PDIK1L: variants seen among roughly 807,000 people sequenced by gnomAD.
PDIK1L encodes the protein serine/threonine-protein kinase PDIK1L.
Under a neutral mutation model 27.1 loss-of-function variants are expected in PDIK1L, and 9 were observed. The ratio of observed to expected loss-of-function variants is 0.33; its 90% confidence interval spans 0.20 to 0.58. PDIK1L has a LOEUF of 0.58. PDIK1L is among the 20% of genes least tolerant of loss of function. The pLI, the probability that PDIK1L is intolerant of heterozygous loss-of-function variation, is 0.86. For missense variants in PDIK1L, 216 were observed against 413.2 expected (o/e 0.52, Z 4.14); for synonymous variants, 130 against 141.7 (o/e 0.92, Z 0.59).
rs535312036 is a variant in PDIK1L at position 26,121,938 on chromosome 1, G to C, written c.387G>C (p.Glu129Asp). ...MDFCDGGDMN[E>D]YLLSRKPNRK... ...TTTGTGACGGAGGAGATATGAATGA[G>C]TATCTGTTGTCCAGGAAACCCAATC... The change falls in exon 3 of 3, where the codon GAG becomes GAC. Residue 129 changes from glutamate (E) to aspartate (D), a missense_variant. Coordinates refer to ENST00000374269, the MANE Select transcript of PDIK1L (RefSeq NM_152835.5). The C allele has an allele frequency of 6.2e-7, 1 of 1,614,040 alleles. No individual in the cohort carries two copies. Among genetic ancestry groups the C allele is most frequent in the African/African-American group, 1.3e-5 (1 of 75,006 alleles).
rs751781233 is a variant in PDIK1L at position 26,117,350 on chromosome 1, G to A, written c.285+2757G>A. The stretch of plus-strand genomic sequence containing the variant: ...CCCAGCCAATGCCCTGAAGTTTTCC[G>A]TTTTATGACAGTAAAAATAACTAGC... On this transcript the variant is annotated intron_variant, in intron 2 of 2. Transcript: ENST00000374269. 5.2e-4 allele frequency among the ~76,000 whole-genome samples: 79 copies of A among 152,086 alleles called. 1 individual carries two copies. The highest frequency in any genetic ancestry group is 2.2e-4 in the Non-Finnish European group (15 of 68,016).
intron 2 of PDIK1L, among the ~76,000 whole-genome samples, chr1:26,115,540 G>A (rs1349617649): frequency 2.6e-5 from 4 of 152,310 alleles, no homozygotes; most frequent in East Asian, 1.9e-4. Flanking sequence ...AGTGGCTCAC[G>A]CCTGTAATCC....
chr1:26,122,836 A>G lies in PDIK1L; in HGVS notation c.*259A>G, dbSNP rs75786059. On this transcript the variant is annotated 3_prime_UTR_variant, in exon 3 of 3. Coordinates refer to ENST00000374269, the MANE Select transcript of PDIK1L (RefSeq NM_152835.5). The surrounding 1 kb of genome is among the most constrained non-coding windows in gnomAD (Gnocchi z 5.4). ...AGAAGTTTGGCAGGAAAATTCTTTA[A>G]GAGCTAACAAGAGAAGAGAGTCCAG... 0.16 allele frequency: 48,183 copies of G among 294,878 alleles called. 4,235 individuals carry two copies. The highest frequency in any genetic ancestry group is 0.21 in the Middle Eastern group (214 of 1,000). 18.3% of individuals were successfully genotyped at this position (294,878 alleles called of 1,614,324 possible).
In PDIK1L at chr1:26,114,377, T is replaced by C. The variant is rs148007570; in HGVS notation, c.69T>C (p.Tyr23=). 4.3e-6 allele frequency: 7 copies of C among 1,613,942 alleles called. No individual in the cohort carries two copies. The highest frequency in any genetic ancestry group is 5.9e-6 in the Non-Finnish European group (7 of 1,180,012). The stretch of plus-strand genomic sequence containing the variant: ...GCCGAGGTAGTTACGGTGTTGTGTA[T>C]GAAGCAGTCATCAGAAAGACCTCTG... ...EVGRGSYGVV[Y]EAVIRKTSAR... Residue 23 remains tyrosine, a synonymous_variant, in exon 2 of 3, where the codon TAT becomes TAC. Coordinates refer to ENST00000374269, the MANE Select transcript of PDIK1L (RefSeq NM_152835.5). The surrounding 1 kb of genome is among the most constrained non-coding windows in gnomAD (Gnocchi z 4.8).
rs1169314094 is a variant in PDIK1L, at chr1:26,123,572, C to T, written c.*995C>T. The T allele has an allele frequency of 1.3e-5, 2 of 152,572 alleles. No homozygotes were observed. The highest frequency in any genetic ancestry group is 4.8e-5 in the African/African-American group (2 of 41,410). 9.5% of individuals were successfully genotyped at this position (152,572 alleles called of 1,614,324 possible). On this transcript the variant is annotated 3_prime_UTR_variant, in exon 3 of 3. Coordinates refer to ENST00000374269, the MANE Select transcript of PDIK1L (RefSeq NM_152835.5). ...CTCATTATACTGAAGTTGAAGAAAC[C>T]AAATGAGCTCCACCCTCACTTTGCC... is the stretch of plus-strand genomic sequence containing the variant.
At position 26,125,123 on chromosome 1, in the gene PDIK1L, T is replaced by C. The variant is rs1485786600; in HGVS notation, c.*2546T>C. 4 of 152,564 alleles carry C rather than the reference T, an allele frequency of 2.6e-5. No homozygotes were observed. The allele number at this position is 152,564 out of a possible 1,614,324, so 9.5% of individuals were successfully genotyped here. On this transcript the variant is annotated 3_prime_UTR_variant, in exon 3 of 3. Coordinates refer to ENST00000374269, the MANE Select transcript of PDIK1L (RefSeq NM_152835.5). ...AGCTGTGGCCAGTGAAAATATGGGGTTGTACAGTTAGTTCCTAGAATGTTA... is the reference window on the plus strand; with the variant it reads ...AGCTGTGGCCAGTGAAAATATGGGGCTGTACAGTTAGTTCCTAGAATGTTA...
chr1:26,121,749 C>T, intron 2 of PDIK1L, 88 bp from the exon 3 acceptor site: 3 of 1,338,370 alleles, frequency 2.2e-6, no homozygotes, highest in South Asian at 1.5e-5. Context: ...AAGGTGGAGA[C>T]TGACTTAACC....
intron 2 of PDIK1L, among the ~76,000 whole-genome samples, chr1:26,121,094 C>T (rs562836062): frequency 1.6e-4 from 25 of 152,094 alleles, no homozygotes; most frequent in African/African-American, 5.8e-4. Flanking sequence ...TCTAGGTTTT[C>T]AGCTTGTATG....
rs549696664 is a variant in PDIK1L at position 26,121,723 on chromosome 1, A to G, written c.286-114A>G. ...AAAGCACTGATTAAATAAAATATTT[A>G]TAGAGTTTCCACTTAAAGGTGGAGA... On this transcript the variant is annotated intron_variant, in intron 2 of 2. Transcript: ENST00000374269. The G allele has an allele frequency of 9.1e-6, 10 of 1,098,230 alleles. No individual in the cohort carries two copies. The African/African-American group carries it at 1.1e-4, about 12-fold the overall frequency. 68.0% of individuals were successfully genotyped at this position (1,098,230 alleles called of 1,614,324 possible). A position where few individuals can be genotyped will look rare whatever the true frequency, so the allele number is the denominator to read the frequency against.
chr1:26,122,168 A>T lies in PDIK1L; in HGVS notation c.617A>T (p.Glu206Val), dbSNP rs2087999853. The T allele has an allele frequency of 5.0e-6, 8 of 1,614,128 alleles. No individual in the cohort carries two copies. The highest frequency in any genetic ancestry group is 1.6e-4 in the Middle Eastern group (1 of 6,084). The change falls in exon 3 of 3, where the codon GAA becomes GTA. Residue 206 changes from glutamate to valine, a missense_variant. Transcript: ENST00000374269. The surrounding 1 kb of genome is among the most constrained non-coding windows in gnomAD (Gnocchi z 5.4). Reference sequence around the variant, plus strand: ...TCAGCCTCTGGGCAGAACCCAGAAGAACCTGTCAGTGTAAACAAGTGTTTC... The same window carrying T: ...TCAGCCTCTGGGCAGAACCCAGAAGTACCTGTCAGTGTAAACAAGTGTTTC... ...VCSASGQNPEEPVSVNKCFLS... is the reference protein window; with the variant it reads ...VCSASGQNPEVPVSVNKCFLS...
At position 26,122,685 on chromosome 1, in the gene PDIK1L, G is replaced by C. The variant is rs987089221; in HGVS notation, c.*108G>C. The C allele has an allele frequency of 5.4e-6, 7 of 1,293,848 alleles. No homozygotes were observed. In the Admixed American group the frequency reaches 8.7e-5, roughly 16 times the overall value. The allele number at this position is 1,293,848 out of a possible 1,614,324, so 80.1% of individuals were successfully genotyped here. A position where few individuals can be genotyped will look rare whatever the true frequency, so the allele number is the denominator to read the frequency against. On this transcript the variant is annotated 3_prime_UTR_variant, in exon 3 of 3. Transcript: ENST00000374269. The surrounding 1 kb of genome is among the most constrained non-coding windows in gnomAD (Gnocchi z 5.4). ...AAAAAGCTAGACTCTACCCTCTAAG[G>C]GTTTAGATTTTTTGTGGGATTTTTT...
At chr1:26,121,736 T>G (rs1377228855) in intron 2 of PDIK1L, 101 bp from the exon 3 acceptor site, 10 of 1,212,274 alleles carry the variant, frequency 8.2e-6, no homozygotes, top group South Asian at 1.6e-5. Flanking sequence ...GAGTTTCCAC[T>G]TAAAGGTGGA....
intron 2 of PDIK1L, among the ~76,000 whole-genome samples, chr1:26,119,207 A>G (rs1048924959): frequency 1.3e-5 from 2 of 151,886 alleles, no homozygotes; most frequent in African/African-American, 4.8e-5. Flanking sequence ...CAGAAGTTCA[A>G]GATTAGCCTG....
intron 2 of PDIK1L, among the ~76,000 whole-genome samples, chr1:26,120,465 G>C (rs1047416302): frequency 1.3e-5 from 2 of 152,172 alleles, no homozygotes; most frequent in African/African-American, 4.8e-5. Flanking sequence ...GCAGATCATC[G>C]CAATTACTAT....
chr1:26,119,939 C>T (rs2087949319), intron 2 of PDIK1L, among the ~76,000 whole-genome samples: 1 of 152,174 alleles, frequency 6.6e-6, no homozygotes, highest in South Asian at 2.1e-4. Context: ...GGAGTCAGAG[C>T]ACACAAGGTC....
chr1:26,116,284 A>T (rs1255837115), intron 2 of PDIK1L, among the ~76,000 whole-genome samples: 1 of 151,666 alleles, frequency 6.6e-6, no homozygotes, highest in African/African-American at 2.4e-5. Flanking sequence ...GTGAAGCAGG[A>T]GGATCACTTC....
At chr1:26,115,181 T>C (rs945767011) in intron 2 of PDIK1L, among the ~76,000 whole-genome samples, 5 of 152,228 alleles carry the variant, frequency 3.3e-5, no homozygotes, top group African/African-American at 1.2e-4. Context: ...AAGCAGTTGC[T>C]CAAAACAATC....
At chr1:26,116,860 C>T (rs1017784020) in intron 2 of PDIK1L, among the ~76,000 whole-genome samples, 2 of 148,866 alleles carry the variant, frequency 1.3e-5, no homozygotes, top group Non-Finnish European at 3.0e-5. Flanking sequence ...GGATTACAGG[C>T]AACTGCCACC....
At chr1:26,119,067 C>A (rs74373481) in intron 2 of PDIK1L, among the ~76,000 whole-genome samples, 1,887 of 152,258 alleles carry the variant, frequency 0.012, 40 homozygotes, top group African/African-American at 0.042. Context: ...ATGAGAAGTA[C>A]AGGATGCATA....
Sources: allele counts gnomAD v4.1 joint callset (sites outside exome capture counted in the v4.1 genomes callset), GRCh38; gene constraint gnomAD v4.1.1; non-coding constraint Gnocchi (gnomAD v3.1); transcripts MANE v1.5; gene names NCBI Gene and HGNC (gene_info 2026-07-23, HGNC 2026-07-21).